The following SOX6 variants were observed in gnomAD, a reference collection of about 807,000 sequenced individuals.
SOX6 encodes transcription factor SOX-6.
Under a neutral mutation model 97.8 loss-of-function variants are expected in SOX6, and 11 were observed. The ratio of observed to expected loss-of-function variants is 0.11; its 90% confidence interval spans 0.07 to 0.19. The LOEUF is 0.19. Among genes scored for constraint, SOX6 ranks in the 10% least tolerant of loss-of-function variants. SOX6 has a pLI of 1.00. For synonymous variants in SOX6, 360 were observed against 371.4 expected, an observed-to-expected ratio of 0.97 and a Z score of 0.35; for missense variants, 810 against 1,039.5, an observed-to-expected ratio of 0.78 and a Z score of 3.04.
intron 3 of SOX6, among the ~76,000 whole-genome samples, chr11:16,301,684 G>T (rs149315862): frequency 1.3e-5 from 2 of 152,126 alleles, no homozygotes; most frequent in South Asian, 4.2e-4. Context: ...TATATGAATA[G>T]AATGATAGAT....
chr11:16,100,966 G>T (rs763570886), intron 7 of SOX6, among the ~76,000 whole-genome samples: 1 of 151,476 alleles, frequency 6.6e-6, no homozygotes, highest in Admixed American at 6.6e-5. Flanking sequence ...TTCTTCAGTC[G>T]CATACCTCAT....
At chr11:16,056,773 T>C (rs1847826226) in intron 9 of SOX6, among the ~76,000 whole-genome samples, 1 of 152,212 alleles carries the variant, frequency 6.6e-6, no homozygotes, top group Non-Finnish European at 1.5e-5. Flanking sequence ...TGAGACATGA[T>C]AAGCAGACAA....
Position 16,628,506 on chromosome 11 carries a change from G to A in SOX6, n.430-16246C>T, listed in dbSNP as rs145899355. Reference sequence around the variant, plus strand: ...CTGGGTATGGTGGTATACACCAGTAGTCGCAGCTACTTGGAAGGCTGAGGA... The same window carrying A: ...CTGGGTATGGTGGTATACACCAGTAATCGCAGCTACTTGGAAGGCTGAGGA... On this transcript the variant is annotated intron_variant and non_coding_transcript_variant, in intron 3 of 5. Coordinates refer to the SOX6 transcript ENST00000524520. Among the ~76,000 whole-genome samples, 52 of 151,832 alleles carry A rather than the reference G, an allele frequency of 3.4e-4. No individual in the cohort carries two copies. In the East Asian group the frequency reaches 9.9e-3, roughly 29 times the overall value.
At chr11:16,616,103 T>C (rs1425257332) in intron 3 of SOX6, among the ~76,000 whole-genome samples, 1 of 152,158 alleles carries the variant, frequency 6.6e-6, no homozygotes. Context: ...CCTTTCTCCA[T>C]TTATAGACCC....
chr11:16,513,470 T>C (rs991949314), intron 4 of SOX6, among the ~76,000 whole-genome samples: 1 of 151,882 alleles, frequency 6.6e-6, no homozygotes, highest in Non-Finnish European at 1.5e-5. Context: ...CCATCTCTAC[T>C]AAAAATACAG....
chr11:16,604,534 G>C (rs1848310474), intron 4 of SOX6, among the ~76,000 whole-genome samples: 1 of 152,176 alleles, frequency 6.6e-6, no homozygotes, highest in Non-Finnish European at 1.5e-5. Flanking sequence ...GGCTAGCACC[G>C]GCGCCCGGGA....
At chr11:16,103,330 C>T (rs1848996977) in intron 7 of SOX6, among the ~76,000 whole-genome samples, 1 of 151,748 alleles carries the variant, frequency 6.6e-6, no homozygotes, top group Admixed American at 6.6e-5. Flanking sequence ...GCAATACCAC[C>T]TCACTCCTGC....
intron 3 of SOX6, among the ~76,000 whole-genome samples, chr11:16,243,428 A>G (rs917975856): frequency 8.6e-5 from 13 of 151,910 alleles, no homozygotes; most frequent in African/African-American, 2.9e-4. Flanking sequence ...TCTGCACATA[A>G]TAAGTGCTAA....
intron 1 of SOX6, chr11:16,402,574 G>T: frequency 1.5e-6 from 2 of 1,343,364 alleles, no homozygotes; most frequent in South Asian, 1.2e-5. Context: ...TCTCAGAGAT[G>T]GTGACAAAGA....
intron 1 of SOX6, among the ~76,000 whole-genome samples, chr11:16,369,786 G>T (rs1857454251): frequency 6.6e-6 from 1 of 152,128 alleles, no homozygotes; most frequent in Admixed American, 6.6e-5. Flanking sequence ...GCCTTGTGAT[G>T]CTGGGGCACG....
intron 4 of SOX6, among the ~76,000 whole-genome samples, chr11:16,503,728 A>T (rs1860742674): frequency 6.6e-6 from 1 of 152,134 alleles, no homozygotes. Flanking sequence ...AAAGGGAACA[A>T]CTCAGCAAGA....
intron 3 of SOX6, among the ~76,000 whole-genome samples, chr11:16,309,685 TAATA>T (rs1855540341): frequency 6.6e-6 from 1 of 152,134 alleles, no homozygotes; most frequent in Non-Finnish European, 1.5e-5. Flanking sequence ...AAATATTACA[TAATA>T]AATAAATGTT....
At chr11:16,354,604 C>T (rs1290958366) in intron 1 of SOX6, among the ~76,000 whole-genome samples, 1 of 151,972 alleles carries the variant, frequency 6.6e-6, no homozygotes, top group African/African-American at 2.4e-5. Flanking sequence ...ACAATAGAGT[C>T]CTGAGCTGTA....
At chr11:16,433,685 TC>T (rs1216330702) in intron 1 of SOX6, among the ~76,000 whole-genome samples, 1 of 152,138 alleles carries the variant, frequency 6.6e-6, no homozygotes, top group African/African-American at 2.4e-5. Flanking sequence ...TTGAAGAAGG[TC>T]AGTTTGCTTA....
intron 3 of SOX6, among the ~76,000 whole-genome samples, chr11:16,246,064 A>G (rs1853326221): frequency 2.0e-5 from 3 of 151,070 alleles, no homozygotes; most frequent in African/African-American, 7.3e-5. Flanking sequence ...TATTAACTAT[A>G]CCTCTTTATT....
At chr11:16,380,484 C>T (rs1435580298) in intron 1 of SOX6, among the ~76,000 whole-genome samples, 1 of 151,586 alleles carries the variant, frequency 6.6e-6, no homozygotes, top group Non-Finnish European at 1.5e-5. Flanking sequence ...TAAGAAAGAC[C>T]ATATTTACTC....
intron 14 of SOX6, among the ~76,000 whole-genome samples, chr11:15,987,027 A>T (rs924939590): frequency 1.3e-5 from 2 of 152,250 alleles, no homozygotes; most frequent in African/African-American, 2.4e-5. Context: ...AGTACTATAA[A>T]CGCTCATTCA....
At chr11:16,662,051 T>A (rs1847769745) in intron 3 of SOX6, among the ~76,000 whole-genome samples, 2 of 152,232 alleles carry the variant, frequency 1.3e-5, no homozygotes, top group Non-Finnish European at 2.9e-5. Context: ...TTAAATCATC[T>A]AAAAATAAGA....
chr11:16,515,263 A>G (rs570199655), intron 4 of SOX6, among the ~76,000 whole-genome samples: 1 of 152,068 alleles, frequency 6.6e-6, no homozygotes, highest in South Asian at 2.1e-4. Flanking sequence ...ATGGTATCTC[A>G]TTGTGGTTTT....
Sources: allele counts gnomAD v4.1 joint callset (sites outside exome capture counted in the v4.1 genomes callset), GRCh38; gene constraint gnomAD v4.1.1; transcripts MANE v1.5; gene names NCBI Gene and HGNC (gene_info 2026-07-23, HGNC 2026-07-21).